The following CA10 variants were observed in gnomAD, a reference collection of about 807,000 sequenced individuals.
CA10 encodes the protein carbonic anhydrase-related protein 10.
A neutral mutation model predicts 44.2 loss-of-function variants in CA10; 14 were observed. The ratio of observed to expected loss-of-function variants is 0.32; its 90% CI spans 0.21 to 0.50. CA10 has a LOEUF of 0.50. Among genes scored for constraint, CA10 ranks in the 20% least tolerant of loss-of-function variants. CA10 has a pLI of 0.99. For synonymous variants in CA10, 159 were observed against 141.6 expected (o/e 1.12, Z -0.87); for missense variants, 350 against 409.7 (o/e 0.85, Z 1.26).
chr17:51,959,525 C>T (rs72834249), intron 2 of CA10, among the ~76,000 whole-genome samples: 44 of 151,854 alleles, frequency 2.9e-4, no homozygotes, highest in Non-Finnish European at 4.7e-4. Context: ...AAAAGTACAC[C>T]TAATTTTGTG....
At chr17:51,986,866 G>A (rs190258934) in intron 2 of CA10, among the ~76,000 whole-genome samples, 29 of 152,010 alleles carry the variant, frequency 1.9e-4, no homozygotes, top group Admixed American at 2.6e-4. Flanking sequence ...AGTAGATATC[G>A]GCATGGATGT....
intron 1 of CA10, among the ~76,000 whole-genome samples, chr17:52,118,678 T>A (rs1988949793): frequency 6.6e-6 from 1 of 152,176 alleles, no homozygotes; most frequent in Admixed American, 6.5e-5. Context: ...ATTCCAAAAT[T>A]GTATGGGATT....
intron 3 of CA10, among the ~76,000 whole-genome samples, chr17:51,824,558 A>G (rs776673033): frequency 1.4e-4 from 21 of 152,376 alleles, no homozygotes; most frequent in Non-Finnish European, 3.1e-4. Flanking sequence ...AAAACTTTAA[A>G]TAAAGGCAAG....
chr17:52,047,690 A>G (rs1049237953), intron 2 of CA10, among the ~76,000 whole-genome samples: 1 of 151,926 alleles, frequency 6.6e-6, no homozygotes, highest in African/African-American at 2.4e-5. Flanking sequence ...TTCCTTCCAG[A>G]GTTTTTCTTC....
intron 3 of CA10, among the ~76,000 whole-genome samples, chr17:51,857,155 T>A (rs1017682996): frequency 6.6e-6 from 1 of 152,208 alleles, no homozygotes; most frequent in Admixed American, 6.5e-5. Context: ...AAGCATATAT[T>A]CCATGATAAT....
chr17:51,922,544 C>G (rs1481837318), intron 3 of CA10, among the ~76,000 whole-genome samples: 4 of 152,192 alleles, frequency 2.6e-5, no homozygotes, highest in Non-Finnish European at 4.4e-5. Context: ...CTCCTTGGCT[C>G]TAAGCCCTTT....
intron 3 of CA10, among the ~76,000 whole-genome samples, chr17:51,829,930 G>A (rs755228796): frequency 6.6e-6 from 1 of 152,142 alleles, no homozygotes; most frequent in Non-Finnish European, 1.5e-5. Context: ...CGGGCGCGGT[G>A]GCTCACGCCT....
chr17:51,930,221 A>G (rs908253002), intron 3 of CA10, among the ~76,000 whole-genome samples: 9 of 77,958 alleles, frequency 1.2e-4, no homozygotes, highest in African/African-American at 4.0e-4. Flanking sequence ...ATTATTTTCC[A>G]TTTCTCTTAA....
chr17:51,693,405 A>G (rs1915286805), intron 4 of CA10, among the ~76,000 whole-genome samples: 1 of 152,162 alleles, frequency 6.6e-6, no homozygotes, highest in Non-Finnish European at 1.5e-5. Flanking sequence ...GGTATATTGC[A>G]TGATGCTGAG....
chr17:51,661,596 T>C (rs1212970244), intron 4 of CA10: 3 of 152,236 alleles, frequency 2.0e-5, no homozygotes, highest in South Asian at 2.1e-4. Flanking sequence ...ACTATTGTTG[T>C]TGTTATGCAA....
At chr17:51,944,327 C>A (rs1012422195) in intron 2 of CA10, among the ~76,000 whole-genome samples, 2 of 152,086 alleles carry the variant, frequency 1.3e-5, no homozygotes, top group Non-Finnish European at 1.5e-5. Context: ...AAGTTTTAAC[C>A]GGTATGTGGC....
chr17:52,082,092 T>C (rs2143175996), intron 1 of CA10, among the ~76,000 whole-genome samples: 1 of 152,334 alleles, frequency 6.6e-6, no homozygotes, highest in Non-Finnish European at 1.5e-5. Flanking sequence ...ATGTTGTGCT[T>C]TGTCTTCCAT....
chr17:51,714,779 G>T (rs2143502356), intron 4 of CA10, among the ~76,000 whole-genome samples: 1 of 152,324 alleles, frequency 6.6e-6, no homozygotes, highest in Admixed American at 6.5e-5. Flanking sequence ...ACACCTATGA[G>T]GGATGATTTC....
At chr17:51,647,988 C>A (rs181737517) in intron 6 of CA10, among the ~76,000 whole-genome samples, 1 of 152,286 alleles carries the variant, frequency 6.6e-6, no homozygotes, top group East Asian at 1.9e-4. Flanking sequence ...ATGGGAGGGA[C>A]TTGGCAGTGA....
chr17:52,046,699 C>T (rs1986922422), intron 2 of CA10, among the ~76,000 whole-genome samples: 1 of 151,778 alleles, frequency 6.6e-6, no homozygotes, highest in Non-Finnish European at 1.5e-5. Flanking sequence ...CACAGAATCA[C>T]CTTGACACTA....
chr17:51,776,063 T>TA (rs764922464), intron 3 of CA10, among the ~76,000 whole-genome samples: 5 of 152,132 alleles, frequency 3.3e-5, no homozygotes, highest in Non-Finnish European at 7.4e-5. Flanking sequence ...AAGAGTGAGA[T>TA]ACACTGAGAT....
intron 2 of CA10, among the ~76,000 whole-genome samples, chr17:51,940,041 A>T (rs1206697017): frequency 6.6e-6 from 1 of 151,996 alleles, no homozygotes; most frequent in African/African-American, 2.4e-5. Flanking sequence ...TTACAACTTG[A>T]TTATTTAAAA....
intron 2 of CA10, among the ~76,000 whole-genome samples, chr17:52,006,754 C>G (rs568573779): frequency 1.7e-4 from 26 of 151,854 alleles, no homozygotes; most frequent in Non-Finnish European, 2.8e-4. Context: ...CATTCAAGTT[C>G]AATAATATAT....
At chr17:51,722,499 A>G (rs2143534510) in intron 4 of CA10, among the ~76,000 whole-genome samples, 1 of 152,340 alleles carries the variant, frequency 6.6e-6, no homozygotes, top group Admixed American at 6.5e-5. Context: ...TGAAGAAATG[A>G]GAAAGAGGGA....
Sources: gnomAD v4.1 joint callset for allele counts (sites outside exome capture counted in the v4.1 genomes callset) on GRCh38, gnomAD v4.1.1 for gene constraint, MANE v1.5 for transcripts, NCBI Gene and HGNC (gene_info 2026-07-23, HGNC 2026-07-21) for gene names.